ZDHHC7: variants seen among roughly 807,000 people sequenced by gnomAD.
ZDHHC7 encodes the protein zDHHC palmitoyltransferase 7.
A neutral mutation model predicts 34.1 loss-of-function variants in ZDHHC7; 12 were observed. The observed-to-expected ratio is 0.35, with a 90% confidence interval of 0.23 to 0.57. The LOEUF is 0.57. ZDHHC7 is among the 20% of genes least tolerant of loss of function. The pLI is 0.84. For synonymous variants in ZDHHC7, 185 were observed against 155.4 expected (o/e 1.19, Z -1.42); for missense variants, 388 against 402.7 (o/e 0.96, Z 0.31).
At chr16:84,985,511 G>C (rs547638576) in intron 3 of ZDHHC7, among the ~76,000 whole-genome samples, 1 of 152,244 alleles carries the variant, frequency 6.6e-6, no homozygotes, top group Admixed American at 6.5e-5. Flanking sequence ...TGCAAACAAA[G>C]AACTGTGTTT....
upstream of ZDHHC7, among the ~76,000 whole-genome samples, chr16:85,016,454 A>C (rs751462432): frequency 1.6e-4 from 24 of 151,838 alleles, no homozygotes; most frequent in Admixed American, 5.9e-4. Context: ...ATCATTTATT[A>C]AAATCTTTGT....
At chr16:84,980,464 G>C (rs553711797) in intron 4 of ZDHHC7, among the ~76,000 whole-genome samples, 1 of 152,096 alleles carries the variant, frequency 6.6e-6, no homozygotes, top group South Asian at 2.1e-4. Context: ...GAAGTCAGGA[G>C]TTCGAGACCA....
rs2072268407 is a variant in ZDHHC7, at chr16:84,974,453, G to A, written c.*1890C>T. On this transcript the variant is annotated 3_prime_UTR_variant, in exon 8 of 8. Transcript: ENST00000313732. ...CCATCCAGGAAGAACGGGCGCTTTG[G>A]AAGCCATTTGAGAACTGTTAATTGA... 6.6e-6 allele frequency: 1 copy of A among 152,192 alleles called. No individual in the cohort carries two copies. Among genetic ancestry groups the A allele is most frequent in the African/African-American group, 2.4e-5 (1 of 41,448 alleles). The allele number at this position is 152,192 out of a possible 1,614,324, so 9.4% of individuals were successfully genotyped here.
At chr16:85,023,689 G>A in the ZDHHC7 span, among the ~76,000 whole-genome samples, 1 of 152,142 alleles carries the variant, frequency 6.6e-6, no homozygotes, top group Non-Finnish European at 1.5e-5. Context: ...CACAATCTTG[G>A]CTCACTGCAA....
the ZDHHC7 span, among the ~76,000 whole-genome samples, chr16:85,019,516 G>C: frequency 3.3e-5 from 5 of 152,078 alleles, no homozygotes; most frequent in Admixed American, 3.3e-4. Context: ...TCAGGAGTTC[G>C]AGACCAGCCT....
intron 4 of ZDHHC7, among the ~76,000 whole-genome samples, chr16:84,979,814 C>G (rs1319109808): frequency 6.6e-6 from 1 of 152,052 alleles, no homozygotes; most frequent in Non-Finnish European, 1.5e-5. Context: ...GCCCAAAACA[C>G]TCTGTATGTC....
intron 4 of ZDHHC7, among the ~76,000 whole-genome samples, chr16:84,980,015 C>T (rs2072347246): frequency 7.1e-6 from 1 of 140,474 alleles, no homozygotes; most frequent in Non-Finnish European, 1.5e-5. Context: ...AGTGCAGTGG[C>T]GCAATCTCAA....
At chr16:84,995,112 A>G (rs2072559605) in intron 2 of ZDHHC7, among the ~76,000 whole-genome samples, 1 of 152,202 alleles carries the variant, frequency 6.6e-6, no homozygotes, top group East Asian at 1.9e-4. Flanking sequence ...CGTTGACTTC[A>G]TACTCAAGAC....
At chr16:85,023,647 C>G in the ZDHHC7 span, among the ~76,000 whole-genome samples, 1 of 150,794 alleles carries the variant, frequency 6.6e-6, no homozygotes, top group Non-Finnish European at 1.5e-5. Context: ...GAGACAGGGT[C>G]TCCCTCTGTC....
In ZDHHC7 at chr16:84,976,374, G is replaced by A. The variant is rs781270474; in HGVS notation, c.896C>T (p.Pro299Leu). The A allele has an allele frequency of 1.7e-5, 28 of 1,613,872 alleles. No individual in the cohort carries two copies. Among genetic ancestry groups the A allele is most frequent in the Non-Finnish European group, 2.2e-5 (26 of 1,180,006 alleles). The change falls in exon 8 of 8, where the codon CCC becomes CTC. Residue 299 changes from proline (P) to leucine (L), a missense_variant. By Grantham distance (98) the Pro-to-Leu change is moderately conservative (BLOSUM62 -3). Coordinates refer to ENST00000313732, the MANE Select transcript of ZDHHC7 (RefSeq NM_017740.3). ...TGAGAACTCCGGGCCACCTTTTCTG[G>A]GTCTCGTGGGCAGTCGCCTAAATCG... ...GFRFRRLPTR[P>L]RKGGPEFSV is the part of the protein sequence containing the mutation.
chr16:84,979,704 A>T (rs1313909309), intron 4 of ZDHHC7, among the ~76,000 whole-genome samples: 1 of 152,154 alleles, frequency 6.6e-6, no homozygotes, highest in African/African-American at 2.4e-5. Context: ...ATCCATATTC[A>T]CTGATGAATA....
At position 84,990,621 on chromosome 16, in the gene ZDHHC7, T is replaced by C; in HGVS notation, c.-3A>G. The C allele has an allele frequency of 6.2e-7, 1 of 1,612,186 alleles. No homozygotes were observed. The highest frequency in any genetic ancestry group is 8.5e-7 in the Non-Finnish European group (1 of 1,178,878). On this transcript the variant is annotated 5_prime_UTR_variant, in exon 3 of 8. Coordinates refer to ENST00000313732, the MANE Select transcript of ZDHHC7 (RefSeq NM_017740.3). ...AGCCTGTGTCCTGATGGCTGCATGA[T>C]TTCCCTGACGCACCCTGGGGAGGGG...
intron 1 of ZDHHC7, among the ~76,000 whole-genome samples, chr16:84,999,897 A>G (rs552034657): frequency 7.9e-4 from 121 of 152,316 alleles, no homozygotes; most frequent in African/African-American, 2.8e-3. Context: ...CTGTAATCCC[A>G]GTGCTTTGGG....
chr16:85,002,919 G>T (rs1482563248), intron 1 of ZDHHC7, among the ~76,000 whole-genome samples: 2 of 151,316 alleles, frequency 1.3e-5, no homozygotes, highest in Non-Finnish European at 2.9e-5. Context: ...TGGAGAGGCG[G>T]CGGCCAAGAG....
chr16:85,025,694 C>T, the ZDHHC7 span, among the ~76,000 whole-genome samples: 1 of 152,188 alleles, frequency 6.6e-6, no homozygotes, highest in Non-Finnish European at 1.5e-5. Context: ...AGGCGTCAGC[C>T]ACCGCGCCCG....
At chr16:84,988,642 G>C in intron 3 of ZDHHC7, 1 of 831,222 alleles carries the variant, frequency 1.2e-6, no homozygotes, top group South Asian at 1.6e-5. Flanking sequence ...GGACTGCTGA[G>C]TAGCTGTAGA....
At chr16:85,025,438 C>G in the ZDHHC7 span, among the ~76,000 whole-genome samples, 1 of 151,712 alleles carries the variant, frequency 6.6e-6, no homozygotes, top group Admixed American at 6.6e-5. Context: ...GGGACTAAGT[C>G]TCACTCCGTC....
At chr16:85,023,843 C>A in the ZDHHC7 span, among the ~76,000 whole-genome samples, 794 of 152,132 alleles carry the variant, frequency 5.2e-3, 5 homozygotes, top group African/African-American at 0.018. Context: ...TGGTCTCAAA[C>A]TCCTGAGCTC....
intron 3 of ZDHHC7, among the ~76,000 whole-genome samples, chr16:84,989,424 G>A (rs562188063): frequency 1.1e-4 from 17 of 152,308 alleles, no homozygotes; most frequent in Admixed American, 9.2e-4. Context: ...GGTCAGGCGC[G>A]ATGGCTCATG....
Sources: gnomAD v4.1 joint callset for allele counts (sites outside exome capture counted in the v4.1 genomes callset) on GRCh38, gnomAD v4.1.1 for gene constraint, MANE v1.5 for transcripts, NCBI Gene and HGNC (gene_info 2026-07-23, HGNC 2026-07-21) for gene names.